PTPRC: variants seen among roughly 807,000 people sequenced by gnomAD.
PTPRC encodes protein tyrosine phosphatase receptor type C.
Under a neutral mutation model 155.9 loss-of-function variants are expected in PTPRC, and 44 were observed. The ratio of observed to expected loss-of-function variants is 0.28; its 90% confidence interval spans 0.22 to 0.36. The LOEUF is 0.36. PTPRC is among the 10% of genes least tolerant of loss of function. PTPRC has a pLI of 1.00. For synonymous variants in PTPRC, 525 were observed against 533.1 expected (o/e 0.98, Z 0.21); for missense variants, 1,401 against 1,564.6 (o/e 0.90, Z 1.76).
intron 23 of PTPRC, among the ~76,000 whole-genome samples, chr1:198,736,589 C>T (rs938263879): frequency 2.0e-5 from 3 of 151,630 alleles, no homozygotes; most frequent in Non-Finnish European, 4.4e-5. Context: ...ATTCATCAGT[C>T]AACTGATGCT....
intron 2 of PTPRC, 44 bp from the exon 3 acceptor site, chr1:198,692,303 T>C: frequency 7.0e-7 from 1 of 1,434,246 alleles, no homozygotes. Context: ...TTAATATGAA[T>C]GAAATTTGAA....
In PTPRC at chr1:198,732,319, G is replaced by T; in HGVS notation, c.1994G>T (p.Ser665Ile). 2 of 1,612,390 alleles carry T rather than the reference G, an allele frequency of 1.2e-6. No individual in the cohort carries two copies. The highest frequency in any genetic ancestry group is 1.7e-6 in the Non-Finnish European group (2 of 1,178,938). The change falls in exon 19 of 33, where the codon AGC (serine) becomes ATC (isoleucine). Residue 665 changes from serine (S) to isoleucine (I), a missense_variant. Coordinates refer to ENST00000442510, the MANE Select transcript of PTPRC (RefSeq NM_002838.5). ...TTTCAGAGCATCCCGCGGGTGTTCA[G>T]CAAGTTTCCTATAAAGGAAGCTCGA... ...AEFQSIPRVF[S>I]KFPIKEARKP...
intron 20 of PTPRC, among the ~76,000 whole-genome samples, chr1:198,733,201 A>G (rs1253665390): frequency 6.6e-6 from 1 of 151,756 alleles, no homozygotes; most frequent in Non-Finnish European, 1.5e-5. Context: ...ATACAGACTG[A>G]AAAAATTCTT....
At chr1:198,733,681 T>G (rs1326466254) in intron 20 of PTPRC, among the ~76,000 whole-genome samples, 2 of 151,796 alleles carry the variant, frequency 1.3e-5, no homozygotes, top group Non-Finnish European at 2.9e-5. Context: ...GAAATGAAAG[T>G]TATTATATCT....
chr1:198,751,735 A>G (rs545326896), intron 29 of PTPRC, among the ~76,000 whole-genome samples: 18 of 152,122 alleles, frequency 1.2e-4, no homozygotes, highest in Non-Finnish European at 1.0e-4. Flanking sequence ...CTACTCTTCA[A>G]TCTGGCCCTT....
intron 23 of PTPRC, 95 bp from the exon 24 acceptor site, chr1:198,741,774 G>C (rs570191299): frequency 1.6e-6 from 2 of 1,241,462 alleles, no homozygotes; most frequent in African/African-American, 3.0e-5. Flanking sequence ...ATGTTTACAC[G>C]AGGAGACTTT....
chr1:198,754,107 A>G (rs1439927386), intron 31 of PTPRC, among the ~76,000 whole-genome samples, 162 bp from the exon 32 acceptor site: 1 of 152,106 alleles, frequency 6.6e-6, no homozygotes, highest in African/African-American at 2.4e-5. Flanking sequence ...TTGCCTAAAA[A>G]TGCATTTAGC....
intron 2 of PTPRC, among the ~76,000 whole-genome samples, chr1:198,684,951 A>T (rs535215759): frequency 6.6e-6 from 1 of 152,074 alleles, no homozygotes; most frequent in African/African-American, 2.4e-5. Flanking sequence ...CAATAAAGGG[A>T]TGTTGAAATT....
In PTPRC at chr1:198,749,276, A is replaced by G. The variant is rs1655273806; in HGVS notation, c.2939-140A>G. ...TTTATCGACAAGTACTGAATTTTAT[A>G]TAGGATCTTATTTCATGTAGATCAG... On this transcript the variant is annotated intron_variant, in intron 27 of 32. Transcript: ENST00000442510. 6.1e-6 allele frequency: 5 copies of G among 818,848 alleles called. No individual in the cohort carries two copies. In the Admixed American group the frequency reaches 9.7e-5, roughly 16 times the overall value. 50.7% of individuals were successfully genotyped at this position (818,848 alleles called of 1,614,324 possible).
At chr1:198,665,074 G>T (rs988641987) in intron 2 of PTPRC, among the ~76,000 whole-genome samples, 2 of 143,278 alleles carry the variant, frequency 1.4e-5, no homozygotes, top group Middle Eastern at 3.6e-3. Context: ...AGAACATCCC[G>T]GCAGCATTTT....
chr1:198,742,197 A>G, intron 24 of PTPRC, 35 bp from the exon 25 acceptor site: 1 of 1,611,974 alleles, frequency 6.2e-7, no homozygotes, highest in Non-Finnish European at 8.5e-7. Context: ...CTTTTCCATG[A>G]TCATGCCTCT....
intron 3 of PTPRC, 73 bp downstream of exon 3, chr1:198,692,446 T>C: frequency 1.7e-6 from 2 of 1,197,254 alleles, no homozygotes; most frequent in Non-Finnish European, 2.2e-6. Context: ...ACTACAATTT[T>C]CTATTATTAA....
chr1:198,664,001 T>A (rs1417760122), intron 2 of PTPRC, among the ~76,000 whole-genome samples: 1 of 152,148 alleles, frequency 6.6e-6, no homozygotes, highest in African/African-American at 2.4e-5. Context: ...TACTTTTTTT[T>A]AACCCTACAT....
chr1:198,733,556 G>T (rs913486177), intron 20 of PTPRC, among the ~76,000 whole-genome samples: 1 of 151,800 alleles, frequency 6.6e-6, no homozygotes, highest in Non-Finnish European at 1.5e-5. Context: ...TTTAGTTACT[G>T]AGGTGAATTT....
At chr1:198,639,441 A>G in intron 2 of PTPRC, 100 bp downstream of exon 2, 1 of 919,994 alleles carries the variant, frequency 1.1e-6, no homozygotes, top group Non-Finnish European at 1.7e-6. Flanking sequence ...GGTAACTGGA[A>G]GTGAGAAGCC....
At chr1:198,722,386 ATTATT>A (rs1332311279) in intron 14 of PTPRC, 25 bp from the exon 15 acceptor site, 3 of 1,279,058 alleles carry the variant, frequency 2.3e-6, no homozygotes, top group Non-Finnish European at 3.1e-6. Flanking sequence ...TAGCAAACTA[ATTATT>A]TTATTTTTTG....
At chr1:198,699,975 G>T (rs746835540) in intron 5 of PTPRC, 16 of 536,456 alleles carry the variant, frequency 3.0e-5, no homozygotes, top group Non-Finnish European at 4.7e-5. Flanking sequence ...ATATATTTCA[G>T]GCAATTACCA....
At position 198,702,549 on chromosome 1, in the gene PTPRC, A is replaced by G; in HGVS notation, c.583+19A>G. 6.2e-7 allele frequency: 1 copy of G among 1,613,984 alleles called. No homozygotes were observed. The highest frequency in any genetic ancestry group is 8.5e-7 in the Non-Finnish European group (1 of 1,179,848). ...ACCTCAGGTCTGACTATGCTGCTCT[A>G]GTAGTGTCTTCAGTTATAGATAATG... On this transcript the variant is annotated intron_variant, in intron 6 of 32. Transcript: ENST00000442510.
chr1:198,659,647 G>A (rs1663827997), intron 2 of PTPRC, among the ~76,000 whole-genome samples: 1 of 150,496 alleles, frequency 6.6e-6, no homozygotes, highest in African/African-American at 2.4e-5. Context: ...GAATTCTCCT[G>A]CCTCGGACTT....
Sources: allele counts gnomAD v4.1 joint callset (sites outside exome capture counted in the v4.1 genomes callset), GRCh38; gene constraint gnomAD v4.1.1; transcripts MANE v1.5; gene names NCBI Gene and HGNC (gene_info 2026-07-23, HGNC 2026-07-21).